LRMDA: variants seen among roughly 807,000 people sequenced by gnomAD.
The protein encoded by LRMDA is leucine-rich melanocyte differentiation-associated protein.
Under a neutral mutation model 29.8 loss-of-function variants are expected in LRMDA, and 18 were observed. That is an observed-to-expected ratio of 0.60 (90% CI 0.42 to 0.90). LRMDA has a LOEUF of 0.90. Among genes scored for constraint, LRMDA ranks in the 40% least tolerant of loss-of-function variants. LRMDA has a pLI of 0.00. For missense variants in LRMDA, 273 were observed against 273.9 expected (o/e 1.00, Z 0.02); for synonymous variants, 125 against 109.4 (o/e 1.14, Z -0.89).
intron 2 of LRMDA, among the ~76,000 whole-genome samples, chr10:75,873,165 G>A (rs1336035994): frequency 6.6e-6 from 1 of 152,052 alleles, no homozygotes; most frequent in African/African-American, 2.4e-5. Flanking sequence ...GATCTACTGT[G>A]TTTGAACAGG....
intron 5 of LRMDA, among the ~76,000 whole-genome samples, chr10:76,069,391 A>G (rs961792696): frequency 2.6e-5 from 4 of 152,164 alleles, no homozygotes; most frequent in Non-Finnish European, 5.9e-5. Flanking sequence ...TGTAATTGGG[A>G]CTTCCTTTGA....
intron 2 of LRMDA, among the ~76,000 whole-genome samples, chr10:75,603,797 G>A (rs189117073): frequency 6.6e-6 from 1 of 152,148 alleles, no homozygotes; most frequent in Non-Finnish European, 1.5e-5. Context: ...GGTTGTTCAA[G>A]CTTTTAAAGA....
intron 2 of LRMDA, chr10:75,642,507 T>A (rs1841465968): frequency 6.6e-6 from 1 of 152,176 alleles, no homozygotes; most frequent in South Asian, 2.1e-4. Context: ...AGTGAATATA[T>A]TTTCTGCTTG....
chr10:76,492,592 TGG>T (rs1271968905), intron 6 of LRMDA, among the ~76,000 whole-genome samples: 1 of 152,064 alleles, frequency 6.6e-6, no homozygotes, highest in African/African-American at 2.4e-5. Flanking sequence ...GGGACTCTGT[TGG>T]GTTAGACCTT....
chr10:76,137,274 C>T (rs1850112269), intron 5 of LRMDA, among the ~76,000 whole-genome samples: 1 of 152,150 alleles, frequency 6.6e-6, no homozygotes, highest in Non-Finnish European at 1.5e-5. Flanking sequence ...TCATTCCTGT[C>T]TCTAGCTATA....
chr10:75,972,049 C>A (rs1251899083), intron 2 of LRMDA, among the ~76,000 whole-genome samples: 1 of 152,116 alleles, frequency 6.6e-6, no homozygotes, highest in Non-Finnish European at 1.5e-5. Context: ...TATTGGCTGG[C>A]AAGAAAGGGG....
intron 6 of LRMDA, among the ~76,000 whole-genome samples, chr10:76,331,809 T>C (rs1236329919): frequency 6.6e-6 from 1 of 152,242 alleles, no homozygotes; most frequent in Non-Finnish European, 1.5e-5. Flanking sequence ...ATAATGCTTT[T>C]ATGGGCTTAT....
intron 2 of LRMDA, among the ~76,000 whole-genome samples, chr10:75,593,145 C>G (rs927764838): frequency 6.6e-6 from 1 of 152,192 alleles, no homozygotes; most frequent in African/African-American, 2.4e-5. Context: ...AGCTCATTCC[C>G]TCCCCCATCC....
In LRMDA at chr10:76,218,370, G is replaced by A. The variant is rs114051294; in HGVS notation, c.517-106031G>A. On this transcript the variant is annotated intron_variant, in intron 5 of 6. Coordinates refer to ENST00000611255, the MANE Select transcript of LRMDA (RefSeq NM_001305581.2). Reference sequence around the variant, plus strand: ...AAATGATGGCAGTGCCGAGAGACCCGGAAGATATTAAAATAAAAACAGCTT... The same window carrying A: ...AAATGATGGCAGTGCCGAGAGACCCAGAAGATATTAAAATAAAAACAGCTT... 8.2e-3 allele frequency among the ~76,000 whole-genome samples: 1,256 copies of A among 152,286 alleles called. 19 individuals are homozygous for A. Among genetic ancestry groups the A allele is most frequent in the African/African-American group, 0.028 (1,171 of 41,560 alleles).
At chr10:76,476,097 C>T (rs1212697232) in intron 6 of LRMDA, among the ~76,000 whole-genome samples, 2 of 151,934 alleles carry the variant, frequency 1.3e-5, no homozygotes. Context: ...TTCAAAAAAT[C>T]AATGAATCCA....
intron 2 of LRMDA, among the ~76,000 whole-genome samples, chr10:75,911,834 G>T (rs1225090899): frequency 6.6e-6 from 1 of 152,166 alleles, no homozygotes; most frequent in Non-Finnish European, 1.5e-5. Context: ...GATCCTGCTG[G>T]GTGCTTGAGG....
intron 2 of LRMDA, among the ~76,000 whole-genome samples, chr10:75,532,542 G>C (rs547631861): frequency 1.9e-4 from 29 of 152,274 alleles, no homozygotes; most frequent in Admixed American, 1.9e-3. Context: ...GTATTCGGGA[G>C]ACATCCTCAG....
At chr10:75,752,129 G>A (rs1291732501) in intron 2 of LRMDA, among the ~76,000 whole-genome samples, 10 of 150,876 alleles carry the variant, frequency 6.6e-5, no homozygotes, top group Admixed American at 6.6e-4. Flanking sequence ...TTTTGTTTTC[G>A]TGATACTTAG....
At chr10:76,244,561 T>C (rs1852338682) in intron 5 of LRMDA, among the ~76,000 whole-genome samples, 1 of 152,130 alleles carries the variant, frequency 6.6e-6, no homozygotes, top group African/African-American at 2.4e-5. Flanking sequence ...GAGAAGCAGC[T>C]GAAGTCCACA....
At chr10:76,235,098 T>C (rs1357084924) in intron 5 of LRMDA, among the ~76,000 whole-genome samples, 1 of 152,208 alleles carries the variant, frequency 6.6e-6, no homozygotes, top group Non-Finnish European at 1.5e-5. Context: ...CCTCTTTCTT[T>C]CACCTGAACA....
intron 5 of LRMDA, among the ~76,000 whole-genome samples, chr10:76,128,744 C>A (rs867138173): frequency 6.6e-6 from 1 of 152,184 alleles, no homozygotes; most frequent in East Asian, 1.9e-4. Flanking sequence ...CCCTAGAGTA[C>A]AAGGCGAGGG....
At chr10:75,631,230 C>T (rs1589140390) in intron 2 of LRMDA, among the ~76,000 whole-genome samples, 1 of 152,134 alleles carries the variant, frequency 6.6e-6, no homozygotes, top group African/African-American at 2.4e-5. Context: ...TCGTACTCCT[C>T]ACCCTAAGTC....
At chr10:76,171,969 C>T (rs1850847214) in intron 5 of LRMDA, among the ~76,000 whole-genome samples, 1 of 152,124 alleles carries the variant, frequency 6.6e-6, no homozygotes, top group Non-Finnish European at 1.5e-5. Context: ...TAGTGAAGGC[C>T]TCCCTCATAC....
intron 2 of LRMDA, among the ~76,000 whole-genome samples, chr10:75,904,843 CG>C (rs2132369895): frequency 6.6e-6 from 1 of 152,130 alleles, no homozygotes; most frequent in South Asian, 2.1e-4. Context: ...CTGTGTGGCT[CG>C]GGGAGTCTCT....
Sources: gnomAD v4.1 joint callset for allele counts (sites outside exome capture counted in the v4.1 genomes callset) on GRCh38, gnomAD v4.1.1 for gene constraint, MANE v1.5 for transcripts, NCBI Gene and HGNC (gene_info 2026-07-23, HGNC 2026-07-21) for gene names.